The following NAA11 variants were observed in gnomAD, a reference collection of about 807,000 sequenced individuals.
The protein encoded by NAA11 is N-alpha-acetyltransferase 11, NatA catalytic subunit, also known as N-alpha-acetyltransferase 11.
NAA11 carries 15 observed loss-of-function variants against 16.1 expected under a neutral mutation model. The observed-to-expected ratio is 0.93, with a 90% CI of 0.62 to 1.44. NAA11 has a LOEUF of 1.44. NAA11 is among the 40% of genes most tolerant of loss of function. The pLI is 0.00. For missense variants in NAA11, 298 were observed against 291.3 expected (o/e 1.02, Z -0.17); for synonymous variants, 122 against 112.4 (o/e 1.09, Z -0.54).
intron 2 of NAA11, among the ~76,000 whole-genome samples, chr4:79,291,304 A>G (rs1032082468): frequency 1.3e-5 from 2 of 151,588 alleles, no homozygotes; most frequent in African/African-American, 2.4e-5. Flanking sequence ...TCTACAAAAA[A>G]ACGAAAAAAT....
At chr4:79,172,638 G>A in the NAA11 span, among the ~76,000 whole-genome samples, 1 of 152,066 alleles carries the variant, frequency 6.6e-6, no homozygotes, top group African/African-American at 2.4e-5. Context: ...CTATGTGGTT[G>A]GGAGGGTGGC....
At chr4:79,219,829 C>A in the NAA11 span, among the ~76,000 whole-genome samples, 1 of 152,142 alleles carries the variant, frequency 6.6e-6, no homozygotes, top group South Asian at 2.1e-4. Context: ...TTAAAATAAA[C>A]CATTCTCCTA....
chr4:79,214,706 G>A, the NAA11 span, among the ~76,000 whole-genome samples: 2,289 of 152,240 alleles, frequency 0.015, 34 homozygotes, highest in African/African-American at 0.036. Flanking sequence ...GGCTGAGGCA[G>A]GAGAATGGCA....
At chr4:79,180,358 A>T in the NAA11 span, among the ~76,000 whole-genome samples, 1 of 152,214 alleles carries the variant, frequency 6.6e-6, no homozygotes, top group African/African-American at 2.4e-5. Context: ...TTGTGTTCAC[A>T]AATCTATAGT....
At chr4:79,296,106 G>A (rs1723214085) in intron 1 of NAA11, among the ~76,000 whole-genome samples, 1 of 152,090 alleles carries the variant, frequency 6.6e-6, no homozygotes, top group African/African-American at 2.4e-5. Flanking sequence ...ACTTCATTCT[G>A]TGTAATTCTG....
chr4:79,302,912 A>C (rs78650827), intron 1 of NAA11, among the ~76,000 whole-genome samples: 3 of 151,888 alleles, frequency 2.0e-5, no homozygotes, highest in East Asian at 3.9e-4. Flanking sequence ...ATCGTTAGAT[A>C]AGACAGAAAT....
chr4:79,237,088 A>G (rs562574028), intron 2 of NAA11, among the ~76,000 whole-genome samples: 3 of 152,178 alleles, frequency 2.0e-5, no homozygotes, highest in Non-Finnish European at 4.4e-5. Context: ...GAACAGCTAC[A>G]AATGTATTCC....
intron 2 of NAA11, among the ~76,000 whole-genome samples, chr4:79,274,865 G>A (rs1423837693): frequency 6.6e-6 from 1 of 152,020 alleles, no homozygotes; most frequent in Non-Finnish European, 1.5e-5. Context: ...ATTCATAAAA[G>A]TATCTAATCT....
At chr4:79,315,894 A>G (rs1723913954), downstream of NAA11, among the ~76,000 whole-genome samples, 1 of 152,214 alleles carries the variant, frequency 6.6e-6, no homozygotes, top group Admixed American at 6.5e-5. Context: ...CAAACCAGAT[A>G]GGCTGCTATA....
At chr4:79,256,670 T>TATATA (rs1560427618) in intron 2 of NAA11, among the ~76,000 whole-genome samples, 25 of 46,944 alleles carry the variant, frequency 5.3e-4, no homozygotes, top group Middle Eastern at 0.023. Flanking sequence ...ATATATATAT[T>TATATA]GACACGAGGT....
At chr4:79,292,409 A>G (rs1336264214) in intron 2 of NAA11, among the ~76,000 whole-genome samples, 2 of 152,232 alleles carry the variant, frequency 1.3e-5, no homozygotes, top group African/African-American at 4.8e-5. Flanking sequence ...CCTTACATAT[A>G]TGACCATCTC....
intron 1 of NAA11, among the ~76,000 whole-genome samples, chr4:79,323,750 G>C (rs1724173054): frequency 6.6e-6 from 1 of 151,758 alleles, no homozygotes; most frequent in African/African-American, 2.4e-5. Context: ...GAACCCGGGA[G>C]GCGGAGCTTG....
chr4:79,157,597 A>G, the NAA11 span, among the ~76,000 whole-genome samples: 22 of 152,072 alleles, frequency 1.4e-4, no homozygotes, highest in African/African-American at 5.3e-4. Context: ...GTGTGTGTGT[A>G]TATACACACA....
At chr4:79,185,221 A>G in the NAA11 span, among the ~76,000 whole-genome samples, 1 of 152,170 alleles carries the variant, frequency 6.6e-6, no homozygotes, top group Non-Finnish European at 1.5e-5. Context: ...TTGATAAAAC[A>G]TCAGTTCTAT....
chr4:79,163,522 C>T, the NAA11 span, among the ~76,000 whole-genome samples: 1 of 152,196 alleles, frequency 6.6e-6, no homozygotes, highest in African/African-American at 2.4e-5. Context: ...TCATTACAAA[C>T]ATTAGCATTA....
At chr4:79,320,360 C>A (rs556166444) in intron 1 of NAA11, among the ~76,000 whole-genome samples, 1 of 152,310 alleles carries the variant, frequency 6.6e-6, no homozygotes, top group East Asian at 1.9e-4. Context: ...GTTACTCTTA[C>A]TATCGATTAT....
chr4:79,267,714 C>A (rs1722384588), intron 2 of NAA11, among the ~76,000 whole-genome samples: 1 of 152,100 alleles, frequency 6.6e-6, no homozygotes, highest in Admixed American at 6.6e-5. Flanking sequence ...TGGTGTGACA[C>A]CACAGGTAGA....
intron 2 of NAA11, among the ~76,000 whole-genome samples, chr4:79,293,656 C>G (rs1723141955): frequency 6.6e-6 from 1 of 152,020 alleles, no homozygotes; most frequent in Admixed American, 6.5e-5. Flanking sequence ...ATGGTCAACC[C>G]AGAAAATATA....
At chr4:79,212,914 T>C in the NAA11 span, among the ~76,000 whole-genome samples, 1 of 152,120 alleles carries the variant, frequency 6.6e-6, no homozygotes, top group Non-Finnish European at 1.5e-5. Context: ...TATAATTGTA[T>C]AGTGTCATTT....
Sources: gnomAD v4.1 joint callset for allele counts (sites outside exome capture counted in the v4.1 genomes callset) on GRCh38, gnomAD v4.1.1 for gene constraint, MANE v1.5 for transcripts, NCBI Gene and HGNC (gene_info 2026-07-23, HGNC 2026-07-21) for gene names.